The following CDC40 variants were observed in gnomAD, a reference collection of about 807,000 sequenced individuals.
CDC40 encodes the protein cell division cycle 40.
CDC40 carries 27 observed loss-of-function variants against 80.6 expected under a neutral mutation model. The observed-to-expected ratio is 0.33, with a 90% CI of 0.25 to 0.46. The LOEUF (loss-of-function observed/expected upper bound fraction) is 0.46, where lower values mean the gene tolerates loss of function less well. Among genes scored for constraint, CDC40 ranks in the 20% least tolerant of loss-of-function variants. The pLI, the probability that CDC40 is intolerant of heterozygous loss-of-function variation, is 1.00. For missense variants in CDC40, 486 were observed against 694.1 expected (o/e 0.70, Z 3.37); for synonymous variants, 221 against 232.6 (o/e 0.95, Z 0.45).
At chr6:110,183,820 A>G (rs781464958) in intron 1 of CDC40, among the ~76,000 whole-genome samples, 3 of 152,078 alleles carry the variant, frequency 2.0e-5, no homozygotes, top group Non-Finnish European at 4.4e-5. Flanking sequence ...ATCTTTTAAT[A>G]TGTTATTGGT....
chr6:110,185,378 G>A (rs891332518), intron 1 of CDC40, among the ~76,000 whole-genome samples: 7 of 149,896 alleles, frequency 4.7e-5, no homozygotes, highest in South Asian at 4.2e-4. Context: ...AAGTAGCTGG[G>A]ACTACAGGCG....
intron 5 of CDC40, among the ~76,000 whole-genome samples, chr6:110,209,585 T>G (rs975508885): frequency 3.3e-5 from 5 of 152,128 alleles, no homozygotes; most frequent in African/African-American, 4.8e-5. Context: ...GATTATAAAT[T>G]TTATTGATTT....
At chr6:110,180,847 A>G (rs1777176486) in intron 1 of CDC40, among the ~76,000 whole-genome samples, 1 of 152,226 alleles carries the variant, frequency 6.6e-6, no homozygotes, top group South Asian at 2.1e-4. Flanking sequence ...GCCTCCCGCC[A>G]TCAGAAAGCA....
chr6:110,193,830 A>G (rs555769482), intron 2 of CDC40, among the ~76,000 whole-genome samples: 1 of 152,318 alleles, frequency 6.6e-6, no homozygotes, highest in East Asian at 1.9e-4. Context: ...ATGTCTTTTG[A>G]AAAAGGAAAT....
At chr6:110,219,923 T>A (rs1350447103) in intron 12 of CDC40, 54 bp downstream of exon 12, 2 of 1,566,110 alleles carry the variant, frequency 1.3e-6, no homozygotes, top group East Asian at 4.5e-5. Context: ...AGTTAAAAAT[T>A]ATATAGACAA....
chr6:110,197,118 T>C (rs1777428417), intron 2 of CDC40, among the ~76,000 whole-genome samples: 1 of 152,164 alleles, frequency 6.6e-6, no homozygotes, highest in South Asian at 2.1e-4. Flanking sequence ...CACATCCTTA[T>C]AGTATCAGAT....
At chr6:110,228,808 A>G in intron 13 of CDC40, 24 bp from the exon 14 acceptor site, 1 of 1,550,736 alleles carries the variant, frequency 6.4e-7, no homozygotes, top group Non-Finnish European at 8.6e-7. Flanking sequence ...TTCCTCTAAA[A>G]TACCTCATTT....
intron 3 of CDC40, among the ~76,000 whole-genome samples, chr6:110,206,937 T>A (rs1162039355): frequency 6.6e-6 from 1 of 152,196 alleles, no homozygotes; most frequent in Non-Finnish European, 1.5e-5. Flanking sequence ...GCAAAATTCA[T>A]CCTATAAGAA....
Position 110,180,636 on chromosome 6 carries a change from A to G in CDC40, c.189+3A>G. 1 of 1,609,470 alleles carries G rather than the reference A, an allele frequency of 6.2e-7. No homozygotes were observed. The highest frequency in any genetic ancestry group is 8.5e-7 in the Non-Finnish European group (1 of 1,176,038). ...CGGCTCCGGAGGTGGCAGTTAAGGT[A>G]AGCACTTTTGCTACTAATGCAGTGT... On this transcript the variant is annotated splice_donor_region_variant and intron_variant, in intron 1 of 14. Transcript: ENST00000307731.
In CDC40 at chr6:110,193,286, A is replaced by G. The variant is rs1165073523; in HGVS notation, c.276+18A>G. 1.4e-6 allele frequency: 2 copies of G among 1,409,082 alleles called. No homozygotes were observed. Among genetic ancestry groups the G allele is most frequent in the East Asian group, 2.3e-5 (1 of 43,902 alleles). The allele number at this position is 1,409,082 out of a possible 1,614,324, so 87.3% of individuals were successfully genotyped here. ...CTCCTGAGGTAAGAAAACATACTTAAGGTTCTGACTTTTGCTAAAGAATTT... is the reference window on the plus strand; with the variant it reads ...CTCCTGAGGTAAGAAAACATACTTAGGGTTCTGACTTTTGCTAAAGAATTT... On this transcript the variant is annotated intron_variant, in intron 2 of 14. Coordinates refer to ENST00000307731, the MANE Select transcript of CDC40 (RefSeq NM_015891.3).
At chr6:110,194,080 GAA>G (rs1330931157) in intron 2 of CDC40, among the ~76,000 whole-genome samples, 1 of 151,854 alleles carries the variant, frequency 6.6e-6, no homozygotes, top group African/African-American at 2.4e-5. Flanking sequence ...GTCTCCTGAT[GAA>G]AAAAACCAGA....
intron 1 of CDC40, among the ~76,000 whole-genome samples, chr6:110,186,932 C>T (rs1335519526): frequency 6.6e-6 from 1 of 152,200 alleles, no homozygotes; most frequent in Non-Finnish European, 1.5e-5. Flanking sequence ...GCCAATTACA[C>T]ATATTTGTGT....
intron 1 of CDC40, among the ~76,000 whole-genome samples, chr6:110,189,283 T>A (rs1291324501): frequency 6.6e-6 from 1 of 152,204 alleles, no homozygotes; most frequent in African/African-American, 2.4e-5. Flanking sequence ...AGCTGTAAAC[T>A]TATTTATATA....
intron 4 of CDC40, among the ~76,000 whole-genome samples, chr6:110,208,371 T>C (rs941830699): frequency 3.9e-5 from 6 of 152,200 alleles, no homozygotes; most frequent in African/African-American, 7.2e-5. Flanking sequence ...CTTAGTTAAC[T>C]TGTGACTATG....
intron 10 of CDC40, among the ~76,000 whole-genome samples, 160 bp from the exon 11 acceptor site, chr6:110,219,204 A>G (rs1777736390): frequency 6.6e-6 from 1 of 152,182 alleles, no homozygotes; most frequent in Admixed American, 6.6e-5. Context: ...TTTAATCATT[A>G]AAAATCTGTG....
intron 5 of CDC40, among the ~76,000 whole-genome samples, chr6:110,210,384 T>C (rs1052424857): frequency 6.7e-6 from 1 of 149,478 alleles, no homozygotes; most frequent in African/African-American, 2.5e-5. Flanking sequence ...ACCCTGTCTC[T>C]ACTAAAACAG....
intron 12 of CDC40, among the ~76,000 whole-genome samples, chr6:110,222,418 G>A (rs1251082124): frequency 1.3e-5 from 2 of 152,028 alleles, no homozygotes; most frequent in Non-Finnish European, 2.9e-5. Context: ...TTAGCTGGGC[G>A]TGGTGGCAGG....
chr6:110,228,101 G>A (rs755569725), intron 13 of CDC40, among the ~76,000 whole-genome samples: 1 of 152,162 alleles, frequency 6.6e-6, no homozygotes, highest in Non-Finnish European at 1.5e-5. Flanking sequence ...CCCCTGTATG[G>A]CATGTTGCTG....
chr6:110,206,967 A>T (rs1283085108), intron 3 of CDC40, among the ~76,000 whole-genome samples: 1 of 152,226 alleles, frequency 6.6e-6, no homozygotes, highest in East Asian at 1.9e-4. Context: ...GCTGGAGTCT[A>T]GCCTGAGCTT....
Sources: allele counts gnomAD v4.1 joint callset (sites outside exome capture counted in the v4.1 genomes callset), GRCh38; gene constraint gnomAD v4.1.1; transcripts MANE v1.5; gene names NCBI Gene and HGNC (gene_info 2026-07-23, HGNC 2026-07-21).